CDH13: variants seen among roughly 807,000 people sequenced by gnomAD.
The protein encoded by CDH13 is cadherin 13.
In CDH13, 24 loss-of-function variants were observed where a neutral mutation model predicts 63.8. That is an observed-to-expected ratio of 0.38 (90% CI 0.27 to 0.53). The LOEUF (loss-of-function observed/expected upper bound fraction) is 0.53, where lower values mean the gene tolerates loss of function less well. CDH13 is among the 20% of genes least tolerant of loss of function. The probability of loss-of-function intolerance (pLI) is 0.85; values close to 1 mark genes in which losing one functional copy is unlikely to be tolerated. For synonymous variants in CDH13, 503 were observed against 355.3 expected (o/e 1.42, Z -4.67); for missense variants, 1,049 against 903.1 (o/e 1.16, Z -2.07).
chr16:83,586,960 A>G (rs1188193735), intron 7 of CDH13, among the ~76,000 whole-genome samples: 7 of 152,196 alleles, frequency 4.6e-5, no homozygotes, highest in African/African-American at 1.4e-4. Flanking sequence ...CAGAAAGGCC[A>G]TGTCTCAAAT....
At chr16:82,779,370 C>T (rs1022283878) in intron 1 of CDH13, among the ~76,000 whole-genome samples, 1 of 152,176 alleles carries the variant, frequency 6.6e-6, no homozygotes, top group Non-Finnish European at 1.5e-5. Context: ...AGAGCAGAGG[C>T]CGCTTTGAGA....
chr16:83,428,485 T>C (rs1016247031), intron 6 of CDH13, among the ~76,000 whole-genome samples: 1 of 152,086 alleles, frequency 6.6e-6, no homozygotes, highest in African/African-American at 2.4e-5. Flanking sequence ...ATTCTGCTTT[T>C]GAAAAAAGTG....
intron 6 of CDH13, among the ~76,000 whole-genome samples, chr16:83,356,337 C>G (rs1419231990): frequency 6.6e-6 from 1 of 151,814 alleles, no homozygotes; most frequent in Non-Finnish European, 1.5e-5. Flanking sequence ...TGCCAGGTAA[C>G]TCCACGCAGC....
intron 9 of CDH13, among the ~76,000 whole-genome samples, chr16:83,677,128 C>A (rs914376227): frequency 1.6e-4 from 25 of 152,226 alleles, no homozygotes; most frequent in Admixed American, 1.0e-3. Context: ...CTAAATGTCT[C>A]CCCATGCACC....
chr16:82,899,979 A>C (rs904169756), intron 2 of CDH13, among the ~76,000 whole-genome samples: 1 of 152,184 alleles, frequency 6.6e-6, no homozygotes, highest in Non-Finnish European at 1.5e-5. Context: ...TCAGAAATCT[A>C]CACGTATGGG....
chr16:83,051,862 A>C (rs1022582180), intron 3 of CDH13, among the ~76,000 whole-genome samples: 2 of 152,236 alleles, frequency 1.3e-5, no homozygotes, highest in Non-Finnish European at 2.9e-5. Flanking sequence ...CCTAAGAGAC[A>C]CAGCCCTCTT....
At chr16:83,789,758 A>G (rs1049365561) in intron 13 of CDH13, among the ~76,000 whole-genome samples, 2 of 152,194 alleles carry the variant, frequency 1.3e-5, no homozygotes, top group Non-Finnish European at 2.9e-5. Context: ...TCTTTAAAGC[A>G]GGGTCAGCAA....
At chr16:83,737,571 C>G (rs1206882821) in intron 10 of CDH13, among the ~76,000 whole-genome samples, 1 of 152,046 alleles carries the variant, frequency 6.6e-6, no homozygotes, top group East Asian at 1.9e-4. Context: ...GAGTTATTCC[C>G]CACTAAGGAA....
intron 5 of CDH13, among the ~76,000 whole-genome samples, chr16:83,247,147 G>T (rs79186782): frequency 0.036 from 5,433 of 152,272 alleles, 126 homozygotes; most frequent in Middle Eastern, 0.061. Flanking sequence ...CCATCCTGGG[G>T]AGGTGGGAAG....
chr16:83,318,787 C>G (rs1225678861), intron 5 of CDH13, among the ~76,000 whole-genome samples: 1 of 152,088 alleles, frequency 6.6e-6, no homozygotes, highest in Non-Finnish European at 1.5e-5. Context: ...AAGCAGTTTT[C>G]TCTCTTAGTG....
intron 7 of CDH13, among the ~76,000 whole-genome samples, chr16:83,489,084 C>T (rs1249431450): frequency 1.3e-5 from 2 of 152,168 alleles, no homozygotes; most frequent in Non-Finnish European, 2.9e-5. Context: ...TCACAAGATC[C>T]TTTCACAAGA....
chr16:82,909,252 A>ATGTG (rs10527714), intron 2 of CDH13, among the ~76,000 whole-genome samples: 3,129 of 146,902 alleles, frequency 0.021, 42 homozygotes, highest in East Asian at 0.036. Context: ...CTGACTGTAT[A>ATGTG]TGTGTGTGTG....
At chr16:83,045,595 C>T (rs187277272) in intron 3 of CDH13, among the ~76,000 whole-genome samples, 2 of 144,308 alleles carry the variant, frequency 1.4e-5, no homozygotes, top group Admixed American at 7.0e-5. Context: ...CAAGATCACG[C>T]CACTGCAGTG....
At chr16:83,289,122 A>G (rs1297254347) in intron 5 of CDH13, among the ~76,000 whole-genome samples, 1 of 152,220 alleles carries the variant, frequency 6.6e-6, no homozygotes, top group African/African-American at 2.4e-5. Context: ...CCTGGCCTAC[A>G]AGAACCAAAA....
At chr16:83,401,663 A>G (rs1244215288) in intron 6 of CDH13, among the ~76,000 whole-genome samples, 1 of 152,132 alleles carries the variant, frequency 6.6e-6, no homozygotes, top group Non-Finnish European at 1.5e-5. Context: ...TATGGACAAA[A>G]AAAAGAGAAA....
chr16:83,455,233 C>A (rs917825273), intron 6 of CDH13, among the ~76,000 whole-genome samples: 2 of 152,102 alleles, frequency 1.3e-5, no homozygotes, highest in African/African-American at 2.4e-5. Flanking sequence ...ACAACTTGGA[C>A]CATGTGGAGT....
chr16:83,197,686 G>A (rs1464947014), intron 4 of CDH13, among the ~76,000 whole-genome samples: 1 of 152,110 alleles, frequency 6.6e-6, no homozygotes, highest in Non-Finnish European at 1.5e-5. Flanking sequence ...CAGTGGGGAT[G>A]GAATGGCCTT....
intron 7 of CDH13, among the ~76,000 whole-genome samples, chr16:83,526,443 T>C (rs946343910): frequency 6.6e-5 from 10 of 152,154 alleles, no homozygotes; most frequent in Non-Finnish European, 8.8e-5. Context: ...ATTAGTTCTT[T>C]AGATTCTCAT....
intron 1 of CDH13, among the ~76,000 whole-genome samples, chr16:82,701,093 C>T (rs564229998): frequency 1.3e-5 from 2 of 151,800 alleles, no homozygotes; most frequent in African/African-American, 4.8e-5. Context: ...CTCATTGCAG[C>T]TAATGACATT....
Sources: gnomAD v4.1 joint callset for allele counts (sites outside exome capture counted in the v4.1 genomes callset) on GRCh38, gnomAD v4.1.1 for gene constraint, MANE v1.5 for transcripts, NCBI Gene and HGNC (gene_info 2026-07-23, HGNC 2026-07-21) for gene names.